GARNL3: variants seen among roughly 807,000 people sequenced by gnomAD.
GARNL3 encodes the protein GTPase activating Rap/RanGAP domain like 3, also known as GTPase-activating Rap/Ran-GAP domain-like protein 3.
Under a neutral mutation model 125.0 loss-of-function variants are expected in GARNL3, and 63 were observed. That is an observed-to-expected ratio of 0.50 (90% CI 0.41 to 0.62). The LOEUF is 0.62. GARNL3 is among the 20% of genes least tolerant of loss of function. The probability of loss-of-function intolerance (pLI) is 0.00; values close to 1 mark genes in which losing one functional copy is unlikely to be tolerated. For missense variants in GARNL3, 994 were observed against 1,244.0 expected (o/e 0.80, Z 3.02); for synonymous variants, 439 against 457.5 (o/e 0.96, Z 0.52).
intron 1 of GARNL3, among the ~76,000 whole-genome samples, chr9:127,240,017 A>G (rs1006865260): frequency 6.6e-6 from 1 of 152,250 alleles, no homozygotes; most frequent in African/African-American, 2.4e-5. Context: ...AATGTAAACA[A>G]TGTATTCTGT....
intron 13 of GARNL3, among the ~76,000 whole-genome samples, chr9:127,341,817 G>A (rs980540684): frequency 2.0e-5 from 3 of 152,210 alleles, no homozygotes; most frequent in African/African-American, 7.2e-5. Flanking sequence ...AGATTTGAAA[G>A]TAGAAACAGC....
At chr9:127,354,014 G>T (rs1830547745) in intron 18 of GARNL3, 70 bp downstream of exon 18, 4 of 998,340 alleles carry the variant, frequency 4.0e-6, no homozygotes, top group Admixed American at 1.8e-5. Flanking sequence ...CCACACCACA[G>T]GTCGCCAGGG....
intron 26 of GARNL3, among the ~76,000 whole-genome samples, chr9:127,389,946 AAGAT>A (rs1289340774): frequency 2.0e-5 from 3 of 151,198 alleles, no homozygotes; most frequent in African/African-American, 7.3e-5. Context: ...AAAAAAAAAA[AAGAT>A]GAGAGGCCAA....
intron 1 of GARNL3, among the ~76,000 whole-genome samples, chr9:127,229,024 A>G (rs1473086135): frequency 6.6e-6 from 1 of 152,152 alleles, no homozygotes; most frequent in Non-Finnish European, 1.5e-5. Context: ...GGGTTTCACC[A>G]TGATGGCCAG....
intron 7 of GARNL3, among the ~76,000 whole-genome samples, chr9:127,331,655 G>A (rs1829248773): frequency 6.8e-6 from 1 of 147,590 alleles, no homozygotes; most frequent in South Asian, 2.2e-4. Flanking sequence ...GAATTAATTC[G>A]GTTTAAAGTT....
intron 2 of GARNL3, among the ~76,000 whole-genome samples, chr9:127,250,466 C>T (rs115533845): frequency 0.015 from 2,289 of 152,186 alleles, 60 homozygotes; most frequent in African/African-American, 0.053. Context: ...GAGTGACTGG[C>T]AAGAGGGCAG....
At chr9:127,290,647 T>C (rs984838877) in intron 1 of GARNL3, among the ~76,000 whole-genome samples, 5 of 152,212 alleles carry the variant, frequency 3.3e-5, no homozygotes, top group African/African-American at 1.2e-4. Context: ...TTTGCAAGCA[T>C]CACCTTGCCA....
chr9:127,229,307 G>A (rs908425916), intron 1 of GARNL3, among the ~76,000 whole-genome samples: 1 of 152,126 alleles, frequency 6.6e-6, no homozygotes, highest in Non-Finnish European at 1.5e-5. Context: ...AGGTGCATAT[G>A]GGTGCCCCTG....
At chr9:127,369,506 C>T (rs1831487698) in intron 22 of GARNL3, among the ~76,000 whole-genome samples, 1 of 152,178 alleles carries the variant, frequency 6.6e-6, no homozygotes, top group Non-Finnish European at 1.5e-5. Flanking sequence ...AGGAAGAGTG[C>T]CCGGAAAGGC....
At chr9:127,316,553 A>G (rs370223143) in intron 4 of GARNL3, among the ~76,000 whole-genome samples, 2 of 152,300 alleles carry the variant, frequency 1.3e-5, no homozygotes, top group African/African-American at 4.8e-5. Flanking sequence ...TTTCAATGGG[A>G]AGGACCTGTA....
At chr9:127,341,357 C>T (rs1275184649) in intron 13 of GARNL3, among the ~76,000 whole-genome samples, 6 of 152,218 alleles carry the variant, frequency 3.9e-5, no homozygotes, top group Non-Finnish European at 8.8e-5. Flanking sequence ...GTGCTGGGAG[C>T]TGTGACACAC....
chr9:127,299,808 G>A (rs181249539), intron 2 of GARNL3, among the ~76,000 whole-genome samples: 10 of 152,110 alleles, frequency 6.6e-5, no homozygotes, highest in Non-Finnish European at 1.2e-4. Context: ...CTTGTGATCC[G>A]CCCACCTCGG....
chr9:127,274,647 T>C (rs1247201083), intron 1 of GARNL3, among the ~76,000 whole-genome samples: 2 of 152,212 alleles, frequency 1.3e-5, no homozygotes, highest in Non-Finnish European at 2.9e-5. Context: ...CTCAACCTTA[T>C]GCTGGTATCC....
intron 11 of GARNL3, 46 bp downstream of exon 11, chr9:127,336,282 C>G (rs1455108337): frequency 2.2e-6 from 3 of 1,358,394 alleles, no homozygotes; most frequent in Non-Finnish European, 3.1e-6. Context: ...AGCTGTGGTT[C>G]AGCCTCACTG....
chr9:127,318,140 G>T lies in GARNL3; in HGVS notation c.503+13G>T, dbSNP rs1221870053. On this transcript the variant is annotated intron_variant, in intron 5 of 27. Transcript: ENST00000373387. ...AGTCCATCTTAAGGTGAGTTCTAATGGGTAGAAACCCCACACATGGATTTG... is the reference window on the plus strand; with the variant it reads ...AGTCCATCTTAAGGTGAGTTCTAATTGGTAGAAACCCCACACATGGATTTG... 34 of 1,516,932 alleles carry T rather than the reference G, an allele frequency of 2.2e-5. No homozygotes were observed. Among genetic ancestry groups the T allele is most frequent in the Non-Finnish European group, 3.1e-5 (34 of 1,091,468 alleles). The allele number at this position is 1,516,932 out of a possible 1,614,324, so 94.0% of individuals were successfully genotyped here.
intron 26 of GARNL3, 129 bp downstream of exon 26, chr9:127,389,248 A>T: frequency 1.5e-6 from 1 of 658,338 alleles, no homozygotes; most frequent in Admixed American, 2.5e-5. Context: ...ATTTTTAAGT[A>T]AGTTCTAATA....
chr9:127,270,682 T>C (rs2063803384), intron 1 of GARNL3, among the ~76,000 whole-genome samples: 1 of 152,238 alleles, frequency 6.6e-6, no homozygotes, highest in Admixed American at 6.5e-5. Context: ...AACATCCTAT[T>C]TGTTTTCTTA....
intron 15 of GARNL3, 99 bp downstream of exon 15, chr9:127,344,438 T>A: frequency 1.3e-6 from 1 of 794,690 alleles, no homozygotes; most frequent in Non-Finnish European, 2.2e-6. Flanking sequence ...CCTGCTGCTG[T>A]AGGAGCTCTG....
At chr9:127,312,348 G>T (rs139310429) in intron 3 of GARNL3, among the ~76,000 whole-genome samples, 156 of 152,252 alleles carry the variant, frequency 1.0e-3, no homozygotes, top group Middle Eastern at 3.4e-3. Flanking sequence ...TCTCTGAGAC[G>T]CAGTTTTCCT....
Sources: allele counts gnomAD v4.1 joint callset (sites outside exome capture counted in the v4.1 genomes callset), GRCh38; gene constraint gnomAD v4.1.1; transcripts MANE v1.5; gene names NCBI Gene and HGNC (gene_info 2026-07-23, HGNC 2026-07-21).